LNX2: variants seen among roughly 807,000 people sequenced by gnomAD.
The protein encoded by LNX2 is ligand of numb-protein X 2.
A neutral mutation model predicts 66.2 loss-of-function variants in LNX2; 35 were observed. That is an observed-to-expected ratio of 0.53 (90% CI 0.40 to 0.70). LNX2 has a LOEUF of 0.70. Ranked by LOEUF, LNX2 falls within the 30% of genes least tolerant of loss-of-function variation. The probability of loss-of-function intolerance (pLI) is 0.00; values close to 1 mark genes in which losing one functional copy is unlikely to be tolerated. For missense variants in LNX2, 791 were observed against 850.8 expected, an observed-to-expected ratio of 0.93 and a Z score of 0.87; for synonymous variants, 337 against 315.6, an observed-to-expected ratio of 1.07 and a Z score of -0.72.
chr13:27,589,182 T>C (rs1204515651), intron 1 of LNX2, among the ~76,000 whole-genome samples: 3 of 152,228 alleles, frequency 2.0e-5, no homozygotes, highest in Non-Finnish European at 2.9e-5. Flanking sequence ...AGCCTTGCTA[T>C]AGGAGTCTGT....
intron 2 of LNX2, among the ~76,000 whole-genome samples, chr13:27,575,880 T>C (rs1041889062): frequency 2.0e-5 from 3 of 152,022 alleles, no homozygotes; most frequent in Non-Finnish European, 4.4e-5. Context: ...GGAATTAAAA[T>C]AGCATATTAA....
chr13:27,586,779 A>AAGC (rs1955491591), intron 1 of LNX2, among the ~76,000 whole-genome samples: 1 of 152,248 alleles, frequency 6.6e-6, no homozygotes, highest in African/African-American at 2.4e-5. Flanking sequence ...TTCTAACTGT[A>AAGC]TAATCTATTT....
At chr13:27,565,559 G>A (rs1278096195) in intron 4 of LNX2, among the ~76,000 whole-genome samples, 1 of 152,204 alleles carries the variant, frequency 6.6e-6, no homozygotes, top group Non-Finnish European at 1.5e-5. Context: ...CCTACAAGTT[G>A]TGCCAGCCTG....
rs11281345 is a variant in LNX2, at chr13:27,583,261, C to CGCGCGCGCGCGCGCGCGCGCGCGT, written c.-100-1459_-100-1458insACGCGCGCGCGCGCGCGCGCGCGC. Among the ~76,000 whole-genome samples the CGCGCGCGCGCGCGCGCGCGCGCGT allele has an allele frequency of 4.0e-4, 18 of 45,480 alleles. 5 individuals are homozygous for CGCGCGCGCGCGCGCGCGCGCGCGT. Among genetic ancestry groups the CGCGCGCGCGCGCGCGCGCGCGCGT allele is most frequent in the Non-Finnish European group, 5.4e-4 (12 of 22,058 alleles). 29.8% of individuals were successfully genotyped at this position (45,480 alleles called of 152,430 possible). On this transcript the variant is annotated intron_variant, in intron 1 of 9. Coordinates refer to ENST00000316334, the MANE Select transcript of LNX2 (RefSeq NM_153371.4). ...GTGTGTGTGTGTGTGTGTGTGCGCG[C>CGCGCGCGCGCGCGCGCGCGCGCGT]GTCCTCTCCAACATACTTATTTTTA... is the stretch of plus-strand genomic sequence containing the variant.
At chr13:27,564,335 A>G (rs1386176392) in intron 4 of LNX2, among the ~76,000 whole-genome samples, 1 of 151,174 alleles carries the variant, frequency 6.6e-6, no homozygotes, top group Non-Finnish European at 1.5e-5. Flanking sequence ...TAACATCAGC[A>G]TAGCAAACTA....
At position 27,573,524 on chromosome 13, in the gene LNX2, C is replaced by T. The variant is rs565648789; in HGVS notation, c.408-4248G>A. Among the ~76,000 whole-genome samples, 7 of 151,690 alleles carry T rather than the reference C, an allele frequency of 4.6e-5. No individual in the cohort carries two copies. In the South Asian group the frequency reaches 6.3e-4, roughly 14 times the overall value. ...AATACAAGGCTAACCAGAATGTTTA[C>T]AAGGAAGAGCCAGGGAATGACACGT... On this transcript the variant is annotated intron_variant, in intron 2 of 9. Transcript: ENST00000316334.
chr13:27,600,252 G>A (rs374808915), intron 1 of LNX2, among the ~76,000 whole-genome samples: 16 of 152,226 alleles, frequency 1.1e-4, no homozygotes, highest in African/African-American at 3.6e-4. Flanking sequence ...AATTTTACAT[G>A]TCAAAAACAG....
intron 1 of LNX2, among the ~76,000 whole-genome samples, chr13:27,589,041 A>C (rs1955522957): frequency 6.6e-6 from 1 of 152,224 alleles, no homozygotes; most frequent in South Asian, 2.1e-4. Context: ...GATTCAATGA[A>C]AGAAAAGGGG....
At chr13:27,554,524 T>G (rs557796929) in intron 7 of LNX2, among the ~76,000 whole-genome samples, 2 of 152,212 alleles carry the variant, frequency 1.3e-5, no homozygotes, top group African/African-American at 4.8e-5. Flanking sequence ...TTTACTTGCA[T>G]AATATTTTCA....
At chr13:27,579,832 C>T (rs141793100) in intron 2 of LNX2, among the ~76,000 whole-genome samples, 87 of 152,244 alleles carry the variant, frequency 5.7e-4, no homozygotes, top group African/African-American at 2.0e-3. Context: ...CTAGTATATT[C>T]AAAAGACCAG....
At chr13:27,564,873 T>TA (rs1409146400) in intron 4 of LNX2, among the ~76,000 whole-genome samples, 1 of 152,204 alleles carries the variant, frequency 6.6e-6, no homozygotes, top group Non-Finnish European at 1.5e-5. Context: ...TACTCTTGAA[T>TA]AACCATAAAT....
chr13:27,578,359 AC>A (rs1955362418), intron 2 of LNX2, among the ~76,000 whole-genome samples: 1 of 152,202 alleles, frequency 6.6e-6, no homozygotes, highest in Admixed American at 6.5e-5. Flanking sequence ...TTACAGACTT[AC>A]CAATTTCTAA....
intron 2 of LNX2, 61 bp from the exon 3 acceptor site, chr13:27,569,337 A>G: frequency 6.4e-7 from 1 of 1,553,694 alleles, no homozygotes; most frequent in Non-Finnish European, 8.7e-7. Flanking sequence ...CAAATAAAAT[A>G]GGGAGGGGGA....
intron 9 of LNX2, 72 bp from the exon 10 acceptor site, chr13:27,548,542 G>A: frequency 6.6e-7 from 1 of 1,507,200 alleles, no homozygotes; most frequent in Admixed American, 2.0e-5. Context: ...TGAGATTTAT[G>A]TAGCATGAAA....
chr13:27,579,143 A>G (rs1401027743), intron 2 of LNX2, among the ~76,000 whole-genome samples: 2 of 152,224 alleles, frequency 1.3e-5, no homozygotes, highest in Non-Finnish European at 2.9e-5. Flanking sequence ...CAGATAATCA[A>G]TATTTGCTGA....
At chr13:27,570,926 CTTATAG>C (rs1388177408) in intron 2 of LNX2, among the ~76,000 whole-genome samples, 2 of 152,126 alleles carry the variant, frequency 1.3e-5, no homozygotes, top group African/African-American at 2.4e-5. Context: ...TAAGGCCTAT[CTTATAG>C]TTATTAAACA....
At chr13:27,620,571 C>T (rs567660875), upstream of LNX2, among the ~76,000 whole-genome samples, 2 of 152,306 alleles carry the variant, frequency 1.3e-5, no homozygotes, top group East Asian at 3.9e-4. Context: ...TTCTCAACCG[C>T]CCCTGCTGCC....
At chr13:27,557,214 A>G (rs760513109) in intron 6 of LNX2, among the ~76,000 whole-genome samples, 2 of 152,108 alleles carry the variant, frequency 1.3e-5, no homozygotes, top group Non-Finnish European at 2.9e-5. Context: ...TAATGCCTTT[A>G]CATGCATTAT....
At chr13:27,594,070 T>C (rs1955572565) in intron 1 of LNX2, among the ~76,000 whole-genome samples, 1 of 152,180 alleles carries the variant, frequency 6.6e-6, no homozygotes, top group Non-Finnish European at 1.5e-5. Context: ...TGAACAAAAT[T>C]TGGACTCCTA....
Sources: gnomAD v4.1 joint callset for allele counts (sites outside exome capture counted in the v4.1 genomes callset) on GRCh38, gnomAD v4.1.1 for gene constraint, MANE v1.5 for transcripts, NCBI Gene and HGNC (gene_info 2026-07-23, HGNC 2026-07-21) for gene names.